ECE2: variants seen among roughly 807,000 people sequenced by gnomAD.
ECE2 encodes the protein endothelin-converting enzyme 2.
In ECE2, 81 loss-of-function variants were observed where a neutral mutation model predicts 100.6. The ratio of observed to expected loss-of-function variants is 0.81; its 90% CI spans 0.67 to 0.97. The LOEUF (loss-of-function observed/expected upper bound fraction) is 0.97, where lower values mean the gene tolerates loss of function less well. Among genes scored for constraint, ECE2 ranks in the 50% least tolerant of loss-of-function variants. The pLI, the probability that ECE2 is intolerant of heterozygous loss-of-function variation, is 0.00. For synonymous variants in ECE2, 391 were observed against 391.5 expected, an observed-to-expected ratio of 1.00 and a Z score of 0.02; for missense variants, 911 against 988.1, an observed-to-expected ratio of 0.92 and a Z score of 1.05.
At chr3:184,278,341 G>T (rs773949081) in intron 6 of ECE2, 28 bp downstream of exon 6, 1 of 1,609,676 alleles carries the variant, frequency 6.2e-7, no homozygotes, top group South Asian at 1.1e-5. Context: ...GGTGGGGAGA[G>T]ACTTAGGGAC....
intron 4 of ECE2, among the ~76,000 whole-genome samples, chr3:184,277,667 G>A (rs1399024014): frequency 6.6e-6 from 1 of 152,202 alleles, no homozygotes; most frequent in African/African-American, 2.4e-5. Context: ...TGGGTACAAT[G>A]GAGGGCCGCT....
intron 6 of ECE2, 80 bp downstream of exon 6, chr3:184,278,393 C>T: frequency 6.3e-7 from 1 of 1,588,246 alleles, no homozygotes; most frequent in Non-Finnish European, 8.6e-7. Flanking sequence ...GACAGGCAGG[C>T]TGGGCTGACC....
Position 184,283,945 on chromosome 3 carries a change from A to G in ECE2, c.977A>G (p.Tyr326Cys), listed in dbSNP as rs977697404. The change falls in exon 8 of 19, where the codon TAC (tyrosine) becomes TGC (cysteine). Residue 326 changes from tyrosine to cysteine, a missense_variant. Tyr to Cys is a radical substitution (Grantham distance 194, BLOSUM62 -2). Coordinates refer to ENST00000404464, the MANE Select transcript of ECE2 (RefSeq NM_001100121.2). ...CAGCGGCGCGACGAGGAGAAGATCTACCACAAGATGAGCATTTCGGAGCTG... is the reference window on the plus strand; with the variant it reads ...CAGCGGCGCGACGAGGAGAAGATCTGCCACAAGATGAGCATTTCGGAGCTG... ...QDQRRDEEKI[Y>C]HKMSISELQA... 3 of 1,613,952 alleles carry G rather than the reference A, an allele frequency of 1.9e-6. No individual in the cohort carries two copies. The highest frequency in any genetic ancestry group is 2.5e-6 in the Non-Finnish European group (3 of 1,179,978).
rs532252365 is a variant in ECE2 at position 184,289,590 on chromosome 3, T to C, written c.1474-51T>C. 9.3e-6 allele frequency: 15 copies of C among 1,613,364 alleles called. No individual in the cohort carries two copies. The highest frequency in any genetic ancestry group is 1.6e-4 in the Middle Eastern group (1 of 6,084). ...CTTGAGGTGGGGTTCAAGGATACAG[T>C]TTTGCTAGGAACCTGGGGAAGGAAA... On this transcript the variant is annotated intron_variant, in intron 12 of 18. Transcript: ENST00000404464. This position sits in a 1 kb window ranked among gnomAD's most constrained non-coding sequence, Gnocchi z 4.1.
chr3:184,285,377 C>A, intron 9 of ECE2, 101 bp from the exon 10 acceptor site: 1 of 993,184 alleles, frequency 1.0e-6, no homozygotes, highest in Non-Finnish European at 1.6e-6. Flanking sequence ...TCCACATATG[C>A]CTCTCGGGAC....
intron 11 of ECE2, 96 bp downstream of exon 11, chr3:184,288,043 G>A: frequency 1.4e-5 from 16 of 1,129,086 alleles, no homozygotes; most frequent in Non-Finnish European, 2.0e-5. Context: ...AGGCGCGGTG[G>A]CTCACGCCGG....
At position 184,291,599 on chromosome 3, in the gene ECE2, G is replaced by A. The variant is rs111441858; in HGVS notation, c.2121+160G>A. On this transcript the variant is annotated intron_variant, in intron 18 of 18. Coordinates refer to ENST00000404464, the MANE Select transcript of ECE2 (RefSeq NM_001100121.2). This position sits in a 1 kb window ranked among gnomAD's most constrained non-coding sequence, Gnocchi z 4.1. ...GGGAAGGCCCATGCCCAGAGCCTCC[G>A]GCCAGCCAGGGCCCACAAAGGCAGC... The A allele has an allele frequency of 5.3e-5, 35 of 664,688 alleles. No homozygotes were observed. The highest frequency in any genetic ancestry group is 2.2e-4 in the South Asian group (8 of 36,902). The allele number at this position is 664,688 out of a possible 1,614,324, so 41.2% of individuals were successfully genotyped here.
Position 184,289,477 on chromosome 3 carries a change from A to C in ECE2, c.1415A>C (p.Glu472Ala). The C allele has an allele frequency of 1.2e-6, 2 of 1,611,886 alleles. No homozygotes were observed. The highest frequency in any genetic ancestry group is 1.7e-6 in the Non-Finnish European group (2 of 1,179,144). ...AGCGAAATCCGGACCGCATTTGAGG[A>C]GGCCCTGGGACAGCTGGTTTGGATG... ...MISEIRTAFE[E>A]ALGQLVWMDE... Residue 472 changes from glutamate (E) to alanine (A), a missense_variant, in exon 12 of 19, where the codon GAG (glutamate) becomes GCG (alanine). By Grantham distance (107) the Glu-to-Ala change is moderately radical. Transcript: ENST00000404464. This position sits in a 1 kb window ranked among gnomAD's most constrained non-coding sequence, Gnocchi z 4.1.
Position 184,287,943 on chromosome 3 carries a change from A to C in ECE2, c.1370A>C (p.Glu457Ala). Reference protein sequence around the residue: ...VKATFDRQSKEIAEGMISEIR... With the variant: ...VKATFDRQSKAIAEGMISEIR... Reference sequence around the variant, plus strand: ...GCCACGTTTGACCGGCAAAGCAAAGAAATTGTGAGTCTACAAGATTCTTTC... The same window carrying C: ...GCCACGTTTGACCGGCAAAGCAAAGCAATTGTGAGTCTACAAGATTCTTTC... Residue 457 changes from glutamate to alanine, a missense_variant, in exon 11 of 19, where the codon GAA becomes GCA. Glu to Ala is a moderately radical substitution (Grantham distance 107). Coordinates refer to ENST00000404464, the MANE Select transcript of ECE2 (RefSeq NM_001100121.2). The C allele has an allele frequency of 6.2e-7, 1 of 1,613,846 alleles. No homozygotes were observed. Among genetic ancestry groups the C allele is most frequent in the Non-Finnish European group, 8.5e-7 (1 of 1,179,760 alleles).
rs1212962488 is a variant in ECE2 at position 184,287,899 on chromosome 3, G to A, written c.1326G>A (p.Leu442=). Residue 442 remains leucine (L), a synonymous_variant, in exon 11 of 19, where the codon TTG becomes TTA. Transcript: ENST00000404464. ...SNTDDALGFA[L]GSLFVKATFD... Reference sequence around the variant, plus strand: ...CGGATGACGCCCTTGGCTTTGCTTTGGGGTCCCTCTTCGTGAAGGCCACGT... The same window carrying A: ...CGGATGACGCCCTTGGCTTTGCTTTAGGGTCCCTCTTCGTGAAGGCCACGT... 2.5e-6 allele frequency: 4 copies of A among 1,614,170 alleles called. No homozygotes were observed. Among genetic ancestry groups the A allele is most frequent in the Admixed American group, 1.7e-5 (1 of 60,022 alleles).
Position 184,290,370 on chromosome 3 carries a change from G to A in ECE2, c.1655+12G>A, listed in dbSNP as rs56216284. 1.5e-5 allele frequency: 24 copies of A among 1,612,262 alleles called. No individual in the cohort carries two copies. Among genetic ancestry groups the A allele is most frequent in the African/African-American group, 2.7e-5 (2 of 74,852 alleles). Reference sequence around the variant, plus strand: ...CCCAGCCGAGACCAGTGAGAATGACGGGGTGGACATAGACACTAGGGGTGG... The same window carrying A: ...CCCAGCCGAGACCAGTGAGAATGACAGGGTGGACATAGACACTAGGGGTGG... On this transcript the variant is annotated intron_variant, in intron 14 of 18. Coordinates refer to ENST00000404464, the MANE Select transcript of ECE2 (RefSeq NM_001100121.2).
chr3:184,291,171 G>A lies in ECE2; in HGVS notation c.1966G>A (p.Gly656Ser), dbSNP rs138732933. Residue 656 changes from glycine to serine, a missense_variant, in exon 17 of 19, where the codon GGC (glycine) becomes AGC (serine). Transcript: ENST00000404464. This position sits in a 1 kb window ranked among gnomAD's most constrained non-coding sequence, Gnocchi z 4.1. Reference protein sequence around the residue: ...QYQVNGERLNGRQTLGENIAD... With the variant: ...QYQVNGERLNSRQTLGENIAD... ...CCAGGTCAATGGGGAGAGGCTCAAC[G>A]GCCGCCAGACGCTGGGGGAGAACAT... is the stretch of plus-strand genomic sequence containing the variant. The A allele has an allele frequency of 5.6e-4, 899 of 1,613,932 alleles. 3 individuals are homozygous for A. Among genetic ancestry groups the A allele is most frequent in the Middle Eastern group, 3.5e-3 (21 of 6,062 alleles).
chr3:184,286,249 C>T lies in ECE2; in HGVS notation c.1263+657C>T, dbSNP rs868868245. Among the ~76,000 whole-genome samples the T allele has an allele frequency of 5.3e-5, 8 of 151,994 alleles. No homozygotes were observed. The South Asian group carries it at 6.2e-4, about 12-fold the overall frequency. ...AAAAGGAGCATGGTGGCTTTACACA[C>T]GTTCTGGCATGAGCTTGAGAAGAGG... On this transcript the variant is annotated intron_variant, in intron 10 of 18. Transcript: ENST00000404464.
chr3:184,284,741 C>A (rs1167622197), intron 8 of ECE2, among the ~76,000 whole-genome samples: 2 of 152,078 alleles, frequency 1.3e-5, no homozygotes, highest in Non-Finnish European at 2.9e-5. Context: ...TAGGCCCCAG[C>A]TGAATGTCAC....
intron 7 of ECE2, among the ~76,000 whole-genome samples, chr3:184,281,248 G>T (rs1339360901): frequency 6.6e-6 from 1 of 152,204 alleles, no homozygotes; most frequent in African/African-American, 2.4e-5. Context: ...GGAGGAGAAG[G>T]CATAAAACAG....
rs2108430245 is a variant in ECE2, at chr3:184,287,893, T to C, written c.1320T>C (p.Phe440=). 1.2e-6 allele frequency: 2 copies of C among 1,614,230 alleles called. No individual in the cohort carries two copies. The highest frequency in any genetic ancestry group is 1.7e-6 in the Non-Finnish European group (2 of 1,180,036). Residue 440 remains phenylalanine, a synonymous_variant, in exon 11 of 19, where the codon TTT becomes TTC. Transcript: ENST00000404464. ...CCAACACGGATGACGCCCTTGGCTTTGCTTTGGGGTCCCTCTTCGTGAAGG... is the reference window on the plus strand; with the variant it reads ...CCAACACGGATGACGCCCTTGGCTTCGCTTTGGGGTCCCTCTTCGTGAAGG... The part of the protein sequence containing the change: ...CISNTDDALG[F]ALGSLFVKAT...
chr3:184,285,416 G>A (rs766861610), intron 9 of ECE2, 62 bp from the exon 10 acceptor site: 3 of 1,289,378 alleles, frequency 2.3e-6, no homozygotes, highest in African/African-American at 2.9e-5. Flanking sequence ...CCTGGGGGCT[G>A]GTTTGAGGGG....
At chr3:184,282,553 C>T (rs1034421726) in intron 7 of ECE2, among the ~76,000 whole-genome samples, 2 of 152,202 alleles carry the variant, frequency 1.3e-5, no homozygotes, top group African/African-American at 4.8e-5. Flanking sequence ...CAGACAGCTG[C>T]GCTTGGGTCT....
In ECE2 at chr3:184,283,821, G is replaced by A. The variant is rs773192111; in HGVS notation, c.853G>A (p.Gly285Arg). ...TAYLDYMEEL[G>R]MLLGGRPTST... ...CTATCTGGATTACATGGAGGAACTGGGGATGCTGCTGGGTGGGCGGCCCAC... is the reference window on the plus strand; with the variant it reads ...CTATCTGGATTACATGGAGGAACTGAGGATGCTGCTGGGTGGGCGGCCCAC... The change falls in exon 8 of 19, where the codon GGG becomes AGG. Residue 285 changes from glycine to arginine, a missense_variant. By Grantham distance (125) the Gly-to-Arg change is moderately radical. Coordinates refer to ENST00000404464, the MANE Select transcript of ECE2 (RefSeq NM_001100121.2). 6.2e-7 allele frequency: 1 copy of A among 1,613,830 alleles called. No homozygotes were observed. The highest frequency in any genetic ancestry group is 1.1e-5 in the South Asian group (1 of 91,050).
Sources: allele counts gnomAD v4.1 joint callset (sites outside exome capture counted in the v4.1 genomes callset), GRCh38; gene constraint gnomAD v4.1.1; non-coding constraint Gnocchi (gnomAD v3.1); transcripts MANE v1.5; gene names NCBI Gene and HGNC (gene_info 2026-07-23, HGNC 2026-07-21).